OPCML: variants seen among roughly 807,000 people sequenced by gnomAD.
OPCML encodes the protein opioid binding protein/cell adhesion molecule like.
OPCML carries 13 observed loss-of-function variants against 37.8 expected under a neutral mutation model. That is an observed-to-expected ratio of 0.34 (90% CI 0.22 to 0.55). The LOEUF is 0.55. Ranked by LOEUF, OPCML falls within the 20% of genes least tolerant of loss-of-function variation. The pLI is 0.91. For missense variants in OPCML, 341 were observed against 435.6 expected (o/e 0.78, Z 1.93); for synonymous variants, 176 against 168.8 (o/e 1.04, Z -0.33).
chr11:132,717,283 T>A (rs1368555185), intron 2 of OPCML, among the ~76,000 whole-genome samples: 1 of 151,248 alleles, frequency 6.6e-6, no homozygotes, highest in African/African-American at 2.4e-5. Flanking sequence ...AATACCAGAA[T>A]TTTTTTTTAA....
At chr11:132,452,269 G>A (rs2096070211) in intron 4 of OPCML, among the ~76,000 whole-genome samples, 2 of 152,128 alleles carry the variant, frequency 1.3e-5, no homozygotes, top group South Asian at 2.1e-4. Flanking sequence ...ACAGAAACAA[G>A]CAAACAGAGT....
chr11:133,181,165 A>T (rs1483791277), intron 1 of OPCML, among the ~76,000 whole-genome samples: 1 of 152,200 alleles, frequency 6.6e-6, no homozygotes, highest in African/African-American at 2.4e-5. Flanking sequence ...CAGAAGGAAG[A>T]TGGGTGTGTT....
intron 1 of OPCML, among the ~76,000 whole-genome samples, chr11:133,265,972 C>T (rs2136467503): frequency 6.6e-6 from 1 of 152,162 alleles, no homozygotes; most frequent in Non-Finnish European, 1.5e-5. Flanking sequence ...TATTAATAGA[C>T]CTCCGTTTAC....
At chr11:132,979,952 T>C (rs973701835) in intron 1 of OPCML, among the ~76,000 whole-genome samples, 1 of 152,204 alleles carries the variant, frequency 6.6e-6, no homozygotes, top group Non-Finnish European at 1.5e-5. Context: ...TCAAATATCA[T>C]AAAGAGGCTG....
At chr11:133,152,725 C>T (rs1439980161) in intron 1 of OPCML, among the ~76,000 whole-genome samples, 1 of 152,120 alleles carries the variant, frequency 6.6e-6, no homozygotes, top group Non-Finnish European at 1.5e-5. Context: ...CCCTCATTTT[C>T]CTCCCTTCAT....
chr11:133,207,588 C>T (rs1195383547), intron 1 of OPCML, among the ~76,000 whole-genome samples: 1 of 152,138 alleles, frequency 6.6e-6, no homozygotes, highest in Admixed American at 6.6e-5. Flanking sequence ...GGCGGTTGGG[C>T]TAGGGTTAGC....
intron 1 of OPCML, among the ~76,000 whole-genome samples, chr11:133,069,446 A>G (rs1693962497): frequency 6.6e-6 from 1 of 152,204 alleles, no homozygotes; most frequent in South Asian, 2.1e-4. Flanking sequence ...CTATTCACAG[A>G]AGAGTTGCAG....
At chr11:133,338,899 A>T (rs1434597817) in intron 1 of OPCML, among the ~76,000 whole-genome samples, 1 of 152,158 alleles carries the variant, frequency 6.6e-6, no homozygotes, top group African/African-American at 2.4e-5. Context: ...TTTTCTCAAG[A>T]CAGGGGTTGC....
intron 3 of OPCML, among the ~76,000 whole-genome samples, chr11:132,597,460 T>C (rs1304204495): frequency 6.6e-6 from 1 of 152,200 alleles, no homozygotes. Context: ...TATTCTTGAC[T>C]CTTTTCTGCT....
At chr11:133,528,912 G>T (rs963650463) in intron 1 of OPCML, among the ~76,000 whole-genome samples, 1 of 152,210 alleles carries the variant, frequency 6.6e-6, no homozygotes, top group African/African-American at 2.4e-5. Context: ...CTGAATTTGA[G>T]CAAAGAAGTC....
intron 1 of OPCML, chr11:133,003,843 C>T (rs543463590): frequency 1.0e-6 from 1 of 985,384 alleles, no homozygotes; most frequent in African/African-American, 1.7e-5. Context: ...ATGAATAATG[C>T]AGATCCTTGC....
At position 132,415,508 on chromosome 11, in the gene OPCML, A is replaced by G. The variant is rs1217235529; in HGVS notation, c.*4685T>C. 2.6e-5 allele frequency: 4 copies of G among 152,190 alleles called. No homozygotes were observed. The highest frequency in any genetic ancestry group is 9.6e-5 in the African/African-American group (4 of 41,452). The allele number at this position is 152,190 out of a possible 1,614,324, so 9.4% of individuals were successfully genotyped here. A position where few individuals can be genotyped will look rare whatever the true frequency, so the allele number is the denominator to read the frequency against. Reference sequence around the variant, plus strand: ...ATTGTTATTACTGATAGCTTTATAAATCTGCCAAATAACATAGAATGTAGC... The same window carrying G: ...ATTGTTATTACTGATAGCTTTATAAGTCTGCCAAATAACATAGAATGTAGC... On this transcript the variant is annotated 3_prime_UTR_variant, in exon 8 of 8. Coordinates refer to ENST00000524381, the MANE Select transcript of OPCML (RefSeq NM_001012393.5).
intron 2 of OPCML, among the ~76,000 whole-genome samples, chr11:132,892,507 G>A (rs11605477): frequency 0.14 from 20,867 of 152,202 alleles, 1,930 homozygotes; most frequent in Middle Eastern, 0.22. Flanking sequence ...GGTGGCTCAC[G>A]CCTGTAATCC....
At chr11:132,444,295 A>T (rs1466535183) in intron 4 of OPCML, among the ~76,000 whole-genome samples, 1 of 152,174 alleles carries the variant, frequency 6.6e-6, no homozygotes, top group Non-Finnish European at 1.5e-5. Context: ...GCCCTCTAGA[A>T]ACCTGTGAGG....
intron 1 of OPCML, among the ~76,000 whole-genome samples, chr11:133,336,134 A>G (rs2136659556): frequency 6.6e-6 from 1 of 152,302 alleles, no homozygotes; most frequent in East Asian, 1.9e-4. Context: ...AAGGTACCCA[A>G]TCAAAGTTAT....
chr11:132,606,674 ACCGTGACTG>A (rs148533476), intron 3 of OPCML, among the ~76,000 whole-genome samples: 76,986 of 151,416 alleles, frequency 0.51, 19,894 homozygotes, highest in Non-Finnish European at 0.54. Context: ...GGCCAATGGG[ACCGTGACTG>A]CCGTGACTGC....
intron 1 of OPCML, among the ~76,000 whole-genome samples, chr11:133,514,380 AAG>A (rs1407933830): frequency 1.3e-5 from 2 of 152,218 alleles, no homozygotes; most frequent in Non-Finnish European, 2.9e-5. Context: ...AAAGGGACTG[AAG>A]AGAGAGGGAA....
chr11:133,288,805 G>A (rs1942375010), intron 1 of OPCML, among the ~76,000 whole-genome samples: 1 of 152,180 alleles, frequency 6.6e-6, no homozygotes, highest in Admixed American at 6.5e-5. Context: ...CTATGTTGGG[G>A]TTAGTTCACA....
chr11:133,323,477 A>T (rs1943379925), intron 1 of OPCML, among the ~76,000 whole-genome samples: 1 of 152,196 alleles, frequency 6.6e-6, no homozygotes, highest in African/African-American at 2.4e-5. Context: ...AGCACCCGAA[A>T]GGCACCCAGA....
Sources: allele counts gnomAD v4.1 joint callset (sites outside exome capture counted in the v4.1 genomes callset), GRCh38; gene constraint gnomAD v4.1.1; transcripts MANE v1.5; gene names NCBI Gene and HGNC (gene_info 2026-07-23, HGNC 2026-07-21).